HBS1L: variants seen among roughly 807,000 people sequenced by gnomAD.
HBS1L encodes the protein HBS1-like protein.
A neutral mutation model predicts 88.9 loss-of-function variants in HBS1L; 55 were observed. The ratio of observed to expected loss-of-function variants is 0.62; its 90% CI spans 0.50 to 0.77. The LOEUF (loss-of-function observed/expected upper bound fraction) is 0.77. Among genes scored for constraint, HBS1L ranks in the 30% least tolerant of loss-of-function variants. The pLI, the probability that HBS1L is intolerant of heterozygous loss-of-function variation, is 0.00. For synonymous variants in HBS1L, 267 were observed against 288.5 expected, an observed-to-expected ratio of 0.93 and a Z score of 0.76; for missense variants, 741 against 829.3, an observed-to-expected ratio of 0.89 and a Z score of 1.31.
intron 2 of HBS1L, among the ~76,000 whole-genome samples, chr6:135,049,569 A>AT (rs1230848712): frequency 3.3e-5 from 5 of 151,208 alleles, no homozygotes; most frequent in East Asian, 3.9e-4. Flanking sequence ...TACCATATTA[A>AT]ATTTTTTTTT....
intron 8 of HBS1L, among the ~76,000 whole-genome samples, chr6:134,992,679 TACA>T (rs1214832081): frequency 3.3e-5 from 5 of 152,290 alleles, no homozygotes; most frequent in Non-Finnish European, 7.4e-5. Flanking sequence ...CGTACAGCTG[TACA>T]ACGTTTGTGC....
Position 134,997,458 on chromosome 6 carries a change from A to G in HBS1L, c.738T>C (p.Asp246=), listed in dbSNP as rs769659757. ...GCCGCTTCTCCAGTTCCGCCTTCAC[A>G]TCTATTTGCTGCCTCAGCTTGCCAG... ...KKSGKLRQQI[D]VKAELEKRQG... Residue 246 remains aspartate (D), a synonymous_variant, in exon 6 of 18, where the codon GAT becomes GAC. Coordinates refer to ENST00000367837, the MANE Select transcript of HBS1L (RefSeq NM_006620.4). The G allele has an allele frequency of 1.2e-6, 2 of 1,614,012 alleles. No homozygotes were observed. Among genetic ancestry groups the G allele is most frequent in the Non-Finnish European group, 1.7e-6 (2 of 1,179,966 alleles).
At chr6:134,975,050 T>C (rs1001092732) in intron 15 of HBS1L, among the ~76,000 whole-genome samples, 4 of 152,114 alleles carry the variant, frequency 2.6e-5, no homozygotes, top group African/African-American at 9.7e-5. Flanking sequence ...ATTTGATAAA[T>C]GAATTCAGTA....
At chr6:134,997,151 AT>A (rs2114804522) in intron 6 of HBS1L, among the ~76,000 whole-genome samples, 1 of 152,318 alleles carries the variant, frequency 6.6e-6, no homozygotes, top group East Asian at 1.9e-4. Context: ...GGAAATTAAA[AT>A]TGTCAACAAG....
chr6:134,977,632 T>G (rs971086439), intron 15 of HBS1L, among the ~76,000 whole-genome samples: 1 of 151,928 alleles, frequency 6.6e-6, no homozygotes, highest in Non-Finnish European at 1.5e-5. Flanking sequence ...AAGTACAAGG[T>G]TATCTCAAAT....
intron 16 of HBS1L, among the ~76,000 whole-genome samples, 166 bp downstream of exon 16, chr6:134,969,072 C>T (rs1470003052): frequency 6.6e-6 from 1 of 152,076 alleles, no homozygotes; most frequent in East Asian, 1.9e-4. Context: ...AGCTTAAATA[C>T]TTGCTTGTTT....
intron 6 of HBS1L, 78 bp downstream of exon 6, chr6:134,997,319 G>A: frequency 6.5e-7 from 1 of 1,548,646 alleles, no homozygotes; most frequent in Non-Finnish European, 8.8e-7. Flanking sequence ...GAGAAACTCA[G>A]AGTTTCCATG....
chr6:135,039,898 A>T (rs549436482), intron 3 of HBS1L, 131 bp from the exon 4 acceptor site: 1 of 661,256 alleles, frequency 1.5e-6, no homozygotes, highest in African/African-American at 1.8e-5. Context: ...GGCAAAAATT[A>T]TCTCTAATGA....
intron 15 of HBS1L, among the ~76,000 whole-genome samples, chr6:134,973,896 C>T (rs112627565): frequency 0.037 from 5,543 of 151,382 alleles, 141 homozygotes; most frequent in Non-Finnish European, 0.059. Context: ...GTACTTAATG[C>T]CACTGATTGT....
intron 4 of HBS1L, among the ~76,000 whole-genome samples, chr6:135,025,642 C>T (rs919467258): frequency 4.6e-5 from 7 of 152,090 alleles, no homozygotes; most frequent in Admixed American, 1.3e-4. Context: ...AAAAAGAAAT[C>T]CCTCCCTTTT....
At chr6:135,044,921 G>A (rs2114917312) in intron 2 of HBS1L, among the ~76,000 whole-genome samples, 1 of 152,294 alleles carries the variant, frequency 6.6e-6, no homozygotes, top group East Asian at 1.9e-4. Flanking sequence ...CTTCTCCTCT[G>A]CCTGCCAGGA....
chr6:134,988,312 G>A lies in HBS1L; in HGVS notation c.1084-521C>T, dbSNP rs945144268. On this transcript the variant is annotated intron_variant, in intron 8 of 17. Coordinates refer to ENST00000367837, the MANE Select transcript of HBS1L (RefSeq NM_006620.4). ...TGAGAGGCAGAGGTTGCAGTGAGTC[G>A]AGATCGCCCCACTACACTCCAGCCT... Among the ~76,000 whole-genome samples, 3 of 151,900 alleles carry A rather than the reference G, an allele frequency of 2.0e-5. 1 individual carries two copies. The highest frequency in any genetic ancestry group is 6.8e-3 in the Middle Eastern group (2 of 294).
intron 13 of HBS1L, 181 bp downstream of exon 13, chr6:134,982,277 C>T (rs1774851392): frequency 1.1e-5 from 6 of 563,396 alleles, no homozygotes; most frequent in Non-Finnish European, 1.9e-5. Flanking sequence ...GACACAATCA[C>T]AACAGAAAAA....
At chr6:135,051,384 T>G (rs934694816) in intron 1 of HBS1L, among the ~76,000 whole-genome samples, 6 of 152,200 alleles carry the variant, frequency 3.9e-5, no homozygotes, top group Non-Finnish European at 8.8e-5. Context: ...AAGTAGTATT[T>G]CTTTATGGAG....
intron 4 of HBS1L, chr6:135,037,495 T>A (rs776319903): frequency 2.7e-5 from 42 of 1,549,424 alleles, no homozygotes; most frequent in Non-Finnish European, 3.7e-5. Flanking sequence ...CAAAGGATTA[T>A]TTGAACTTCC....
At chr6:135,020,040 A>G (rs1235403297) in intron 4 of HBS1L, among the ~76,000 whole-genome samples, 1 of 151,742 alleles carries the variant, frequency 6.6e-6, no homozygotes, top group Middle Eastern at 3.2e-3. Flanking sequence ...GTATGTGTCT[A>G]TTTTTATAAA....
intron 4 of HBS1L, among the ~76,000 whole-genome samples, chr6:135,022,471 T>C (rs1776100715): frequency 6.6e-6 from 1 of 152,156 alleles, no homozygotes; most frequent in African/African-American, 2.4e-5. Context: ...GTGTTTCAGT[T>C]TTTCCAGTGT....
chr6:135,036,728 T>C (rs1271155742), intron 4 of HBS1L: 3 of 1,550,978 alleles, frequency 1.9e-6, no homozygotes, highest in Non-Finnish European at 2.6e-6. Flanking sequence ...GTGCGTCGCT[T>C]GCAGCTTTTC....
At position 134,985,395 on chromosome 6, in the gene HBS1L, G is replaced by T; in HGVS notation, c.1438C>A (p.Pro480Thr). 1.2e-6 allele frequency: 2 copies of T among 1,601,338 alleles called. No homozygotes were observed. Among genetic ancestry groups the T allele is most frequent in the Non-Finnish European group, 1.7e-6 (2 of 1,174,756 alleles). ...AAAGGTTTGTCAATAGATCGCTGGG[G>T]AGGCTTAAAGGAATCTGGAAAAAAG... ...LLEQIDSFKPPQRSIDKPFRL... is the reference protein window; with the variant it reads ...LLEQIDSFKPTQRSIDKPFRL... The change falls in exon 12 of 18, where the codon CCC becomes ACC. Residue 480 changes from proline (P) to threonine (T), a missense_variant. Physicochemically the swap from Pro to Thr is conservative, Grantham distance 38. Around this residue, in one of 3 missense-constraint regions of HBS1L, gnomAD observed 556 missense variants for 598.4 expected, o/e 0.93. Transcript: ENST00000367837.
Sources: gnomAD v4.1 joint callset for allele counts (sites outside exome capture counted in the v4.1 genomes callset) on GRCh38, gnomAD v4.1.1 for gene constraint, gnomAD v4.1.1 regional missense constraint, MANE v1.5 for transcripts, NCBI Gene and HGNC (gene_info 2026-07-23, HGNC 2026-07-21) for gene names.